Variants in C1QTNF1 observed in about 807,000 individuals in gnomAD.
C1QTNF1 encodes C1q and TNF related 1.
C1QTNF1 carries 22 observed loss-of-function variants against 27.8 expected under a neutral mutation model. The observed-to-expected ratio is 0.79, with a 90% CI of 0.56 to 1.13. C1QTNF1 has a LOEUF of 1.13. C1QTNF1 is among the 50% of genes most tolerant of loss of function. The probability of loss-of-function intolerance (pLI) is 0.00; values close to 1 mark genes in which losing one functional copy is unlikely to be tolerated. For synonymous variants in C1QTNF1, 166 were observed against 154.3 expected (o/e 1.08, Z -0.56); for missense variants, 373 against 380.2 (o/e 0.98, Z 0.16).
At chr17:79,023,251 G>A (rs560287337), upstream of C1QTNF1, among the ~76,000 whole-genome samples, 6 of 152,228 alleles carry the variant, frequency 3.9e-5, no homozygotes, top group Non-Finnish European at 8.8e-5. Context: ...GCAGAGGGGG[G>A]AAAAAAGAAG....
Position 79,046,195 on chromosome 17 carries a change from G to A in C1QTNF1, c.156-360G>A, listed in dbSNP as rs563825338. Among the ~76,000 whole-genome samples the A allele has an allele frequency of 2.6e-5, 4 of 152,330 alleles. No homozygotes were observed. The South Asian group carries it at 6.2e-4, about 24-fold the overall frequency. On this transcript the variant is annotated intron_variant, in intron 2 of 3. Transcript: ENST00000579760. This position sits in a 1 kb window ranked among gnomAD's most constrained non-coding sequence, Gnocchi z 4.8. ...ATTTGCAGACGAGTCAGCTTCATAT[G>A]TTATTTTCTAGCATCACGGATATAC...
chr17:79,023,867 C>T (rs1292620994), upstream of C1QTNF1, among the ~76,000 whole-genome samples: 1 of 152,226 alleles, frequency 6.6e-6, no homozygotes, highest in African/African-American at 2.4e-5. Context: ...ACAGCGGATC[C>T]CGGAGGCCTT....
intron 1 of C1QTNF1, among the ~76,000 whole-genome samples, chr17:79,038,741 C>A (rs569577807): frequency 6.6e-6 from 1 of 152,150 alleles, no homozygotes; most frequent in Non-Finnish European, 1.5e-5. Flanking sequence ...CACAGCCTCC[C>A]TACTGTAGGG....
intron 1 of C1QTNF1, among the ~76,000 whole-genome samples, chr17:79,033,661 G>A (rs1489180192): frequency 1.3e-5 from 2 of 151,922 alleles, no homozygotes; most frequent in Non-Finnish European, 2.9e-5. Context: ...AGCCATGACT[G>A]TACCACTGCA....
At position 79,048,144 on chromosome 17, in the gene C1QTNF1, C is replaced by CCAGGGCTCAG. The variant is rs1324502021; in HGVS notation, c.*58_*59insGGGCTCAGCA. On this transcript the variant is annotated 3_prime_UTR_variant, in exon 4 of 4. Transcript: ENST00000579760. Reference sequence around the variant, plus strand: ...CTTCCACCCCTGCGCTGTGCTGACCCCACCGCCTCTTCCCCGATCCCTGGA... The same window carrying CCAGGGCTCAG: ...CTTCCACCCCTGCGCTGTGCTGACCCCAGGGCTCAGCACCGCCTCTTCCCCGATCCCTGGA... The CCAGGGCTCAG allele has an allele frequency of 9.6e-5, 137 of 1,422,998 alleles. No homozygotes were observed. Among genetic ancestry groups the CCAGGGCTCAG allele is most frequent in the Middle Eastern group, 4.0e-4 (2 of 4,980 alleles). The allele number at this position is 1,422,998 out of a possible 1,614,324, so 88.1% of individuals were successfully genotyped here.
intron 1 of C1QTNF1, among the ~76,000 whole-genome samples, chr17:79,042,393 C>T (rs1173522773): frequency 1.3e-5 from 2 of 152,346 alleles, no homozygotes; most frequent in East Asian, 3.9e-4. Flanking sequence ...AGGACTGTCC[C>T]AATACTGGAT....
In C1QTNF1 at chr17:79,047,701, GA is replaced by G. The variant is rs771302855; in HGVS notation, c.461del (p.Lys154SerfsTer12). ...ACGCCGCCTTTTCGGTGGGCCGGAA[GA>G]AGCCCATGCACAGCAACCACTACTA... is the stretch of plus-strand genomic sequence containing the variant. ...HYAAFSVGRK[K>X]PMHSNHYYQT... On this transcript the variant is annotated frameshift_variant, in exon 4 of 4. Coordinates refer to ENST00000579760, the MANE Select transcript of C1QTNF1 (RefSeq NM_030968.5). LOFTEE classifies it high-confidence loss of function. 2 of 1,614,126 alleles carry G rather than the reference GA, an allele frequency of 1.2e-6. No individual in the cohort carries two copies. The highest frequency in any genetic ancestry group is 1.7e-6 in the Non-Finnish European group (2 of 1,180,012).
At position 79,042,540 on chromosome 17, in the gene C1QTNF1, G is replaced by A. The variant is rs145710949; in HGVS notation, c.-14-1415G>A. ...AGATGCCAAGGACACCTGCTGATGC[G>A]CCGCCTGGTGGCCAGAAAGCAGCTT... On this transcript the variant is annotated intron_variant, in intron 1 of 3. Transcript: ENST00000579760. Among the ~76,000 whole-genome samples, 103 of 152,336 alleles carry A rather than the reference G, an allele frequency of 6.8e-4. 1 individual carries two copies. Among genetic ancestry groups the A allele is most frequent in the African/African-American group, 2.3e-3 (96 of 41,580 alleles).
chr17:79,043,125 ATG>A (rs1450958367), intron 1 of C1QTNF1, among the ~76,000 whole-genome samples: 3 of 146,282 alleles, frequency 2.1e-5, no homozygotes, highest in African/African-American at 2.6e-5. Context: ...ATGTATGTGA[ATG>A]TGTGTGCATG....
intron 1 of C1QTNF1, among the ~76,000 whole-genome samples, chr17:79,031,667 C>T (rs1055145143): frequency 6.6e-6 from 1 of 152,096 alleles, no homozygotes; most frequent in Non-Finnish European, 1.5e-5. Context: ...TGGTCTTGAA[C>T]TCCTGACCTC....
At chr17:79,040,523 G>T (rs1189287678) in intron 1 of C1QTNF1, among the ~76,000 whole-genome samples, 2 of 152,068 alleles carry the variant, frequency 1.3e-5, no homozygotes, top group Non-Finnish European at 2.9e-5. Context: ...TGAGTTGGGT[G>T]TTGAAGACAA....
At chr17:79,023,943 G>C (rs1249037347), upstream of C1QTNF1, 7 of 152,262 alleles carry the variant, frequency 4.6e-5, no homozygotes, top group Admixed American at 4.6e-4. Flanking sequence ...CCCATCCTGC[G>C]GGGGGCATTC....
In C1QTNF1 at chr17:79,047,253, T is replaced by C. The variant is rs1426288444; in HGVS notation, c.296-285T>C. 9 of 363,588 alleles carry C rather than the reference T, an allele frequency of 2.5e-5. No homozygotes were observed. In the Admixed American group the frequency reaches 3.9e-4, roughly 16 times the overall value. 22.5% of individuals were successfully genotyped at this position (363,588 alleles called of 1,614,324 possible). Reference sequence around the variant, plus strand: ...TTTTTCTTTTCTTTTTTTTTTTTTTTACCAGGGCTTTCCAGAAGGAAAAAA... The same window carrying C: ...TTTTTCTTTTCTTTTTTTTTTTTTTCACCAGGGCTTTCCAGAAGGAAAAAA... On this transcript the variant is annotated intron_variant, in intron 3 of 3. Coordinates refer to ENST00000579760, the MANE Select transcript of C1QTNF1 (RefSeq NM_030968.5).
rs15538 is a variant in C1QTNF1, at chr17:79,049,426, A to G, written c.*1338A>G. On this transcript the variant is annotated 3_prime_UTR_variant, in exon 4 of 4. Transcript: ENST00000579760. The surrounding 1 kb of genome is among the most constrained non-coding windows in gnomAD (Gnocchi z 4.4). ...GCTGGAGCAGGGTTGCGGTGTCTCC[A>G]CGGTGCTCTCGCCCTGCCCATGGCC... 31,977 of 152,306 alleles carry G rather than the reference A, an allele frequency of 0.21. 4,010 individuals carry two copies. Among genetic ancestry groups the G allele is most frequent in the East Asian group, 0.57 (2,960 of 5,150 alleles). 9.4% of individuals were successfully genotyped at this position (152,306 alleles called of 1,614,324 possible).
In C1QTNF1 at chr17:79,046,909, GC is replaced by G; in HGVS notation, c.295+218del. ...CTCCAAGAGGAGGGGTTGGAAAGGGGCCCACAGGACCAAGAGCAGGAGAGGG... is the reference window on the plus strand; with the variant it reads ...CTCCAAGAGGAGGGGTTGGAAAGGGGCCACAGGACCAAGAGCAGGAGAGGG... On this transcript the variant is annotated intron_variant, in intron 3 of 3. Transcript: ENST00000579760. The surrounding 1 kb of genome is among the most constrained non-coding windows in gnomAD (Gnocchi z 4.8). 1.6e-6 allele frequency: 1 copy of G among 628,978 alleles called. No homozygotes were observed. The highest frequency in any genetic ancestry group is 2.7e-6 in the Non-Finnish European group (1 of 375,496). 39.0% of individuals were successfully genotyped at this position (628,978 alleles called of 1,614,324 possible). A position where few individuals can be genotyped will look rare whatever the true frequency, so the allele number is the denominator to read the frequency against.
At chr17:79,039,747 G>A (rs115427715) in intron 1 of C1QTNF1, among the ~76,000 whole-genome samples, 11 of 151,896 alleles carry the variant, frequency 7.2e-5, no homozygotes, top group East Asian at 1.9e-4. Context: ...TTTTTAATGC[G>A]TTTTGTAGTT....
At chr17:79,030,491 TTC>T (rs1465544470) in intron 1 of C1QTNF1, among the ~76,000 whole-genome samples, 931 of 91,764 alleles carry the variant, frequency 0.01, 3 homozygotes, top group East Asian at 0.029. Context: ...TTCTTTTTCT[TTC>T]TTTCTTTCTT....
chr17:79,026,929 C>G (rs537115470), intron 1 of C1QTNF1, among the ~76,000 whole-genome samples: 2 of 152,350 alleles, frequency 1.3e-5, no homozygotes, highest in South Asian at 2.1e-4. Context: ...GTGCCTCCCC[C>G]CAGCTGTAAT....
chr17:79,023,131 C>G (rs1434194820), upstream of C1QTNF1: 1 of 152,188 alleles, frequency 6.6e-6, no homozygotes, highest in Non-Finnish European at 1.5e-5. Context: ...AACCAGCATC[C>G]CCATTTTCGC....
Sources: allele counts gnomAD v4.1 joint callset (sites outside exome capture counted in the v4.1 genomes callset), GRCh38; gene constraint gnomAD v4.1.1; non-coding constraint Gnocchi (gnomAD v3.1); transcripts MANE v1.5; gene names NCBI Gene and HGNC (gene_info 2026-07-23, HGNC 2026-07-21).